Variants in UGT1A3 observed in about 807,000 individuals in gnomAD.
UGT1A3 encodes UDP-glucuronosyltransferase 1A3.
Under a neutral mutation model 41.0 loss-of-function variants are expected in UGT1A3, and 31 were observed. The ratio of observed to expected loss-of-function variants is 0.76; its 90% CI spans 0.57 to 1.02. The LOEUF is 1.02. Among genes scored for constraint, UGT1A3 ranks in the 50% least tolerant of loss-of-function variants. The pLI is 0.00. For synonymous variants in UGT1A3, 262 were observed against 257.6 expected (o/e 1.02, Z -0.17); for missense variants, 737 against 671.0 (o/e 1.10, Z -1.09).
intron 1 of UGT1A3, chr2:233,748,105 C>A: frequency 6.2e-7 from 1 of 1,612,580 alleles, no homozygotes; most frequent in Admixed American, 1.7e-5. Context: ...TTCATCCAAT[C>A]AATGTTCCAG....
intron 1 of UGT1A3, among the ~76,000 whole-genome samples, chr2:233,764,685 G>C (rs1320206547): frequency 6.6e-6 from 1 of 152,148 alleles, no homozygotes; most frequent in Non-Finnish European, 1.5e-5. Context: ...AGAACTTGAA[G>C]AGCACTTGGA....
At chr2:233,744,355 C>G (rs563473520) in intron 1 of UGT1A3, among the ~76,000 whole-genome samples, 6 of 151,952 alleles carry the variant, frequency 3.9e-5, no homozygotes, top group African/African-American at 1.2e-4. Context: ...TGAAGACATC[C>G]TGTTGTTTAG....
At chr2:233,770,346 C>T (rs1357381259) in intron 4 of UGT1A3, 2 of 152,134 alleles carry the variant, frequency 1.3e-5, no homozygotes, top group African/African-American at 4.8e-5. Flanking sequence ...TGCTCAATTA[C>T]TATTGAATGA....
At chr2:233,735,244 A>C (rs1308474685) in intron 1 of UGT1A3, among the ~76,000 whole-genome samples, 1 of 152,060 alleles carries the variant, frequency 6.6e-6, no homozygotes, top group African/African-American at 2.4e-5. Context: ...CTTGTTGTTG[A>C]ATTGCTCCCT....
intron 2 of UGT1A3, 50 bp from the exon 3 acceptor site, chr2:233,767,799 T>A (rs1699488429): frequency 6.2e-7 from 1 of 1,614,032 alleles, no homozygotes. Context: ...ATTTGTTTTC[T>A]AATCATATTA....
At chr2:233,760,770 C>T in intron 1 of UGT1A3, 2 of 1,614,054 alleles carry the variant, frequency 1.2e-6, no homozygotes, top group Non-Finnish European at 1.7e-6. Context: ...CCATCGTGGC[C>T]CAGTACCTGT....
At chr2:233,749,249 T>C (rs1694152253) in intron 1 of UGT1A3, among the ~76,000 whole-genome samples, 1 of 151,932 alleles carries the variant, frequency 6.6e-6, no homozygotes, top group Non-Finnish European at 1.5e-5. Flanking sequence ...AACCACATGA[T>C]TTTTTTATTG....
At chr2:233,761,658 A>C (rs1473319616) in intron 1 of UGT1A3, among the ~76,000 whole-genome samples, 1 of 152,256 alleles carries the variant, frequency 6.6e-6, no homozygotes, top group African/African-American at 2.4e-5. Context: ...TAATGAGTGA[A>C]TCACCAGACA....
At chr2:233,768,098 G>A in intron 3 of UGT1A3, 122 bp from the exon 4 acceptor site, 1 of 1,590,736 alleles carries the variant, frequency 6.3e-7, no homozygotes, top group Non-Finnish European at 8.6e-7. Context: ...ATTTTCTTCT[G>A]CAAATTTCTG....
intron 1 of UGT1A3, among the ~76,000 whole-genome samples, chr2:233,757,535 AATATATATATATATAT>A (rs67292694): frequency 2.3e-5 from 2 of 88,312 alleles, no homozygotes; most frequent in Non-Finnish European, 4.4e-5. Context: ...GCCTGTAAGG[AATATATATATATATAT>A]ATATATATAT....
chr2:233,762,102 G>T (rs1697968941), intron 1 of UGT1A3, among the ~76,000 whole-genome samples: 1 of 151,864 alleles, frequency 6.6e-6, no homozygotes, highest in Non-Finnish European at 1.5e-5. Flanking sequence ...GTTGTTGATT[G>T]TCCGCTTCAC....
Position 233,772,646 on chromosome 2 carries a change from A to G in UGT1A3, c.*87A>G. The G allele has an allele frequency of 6.5e-7, 1 of 1,549,870 alleles. No individual in the cohort carries two copies. ...ACAGAATCAGTGTTAAATTCATTTTATTCTTATTAAGGAAATACTTTGCAT... is the reference window on the plus strand; with the variant it reads ...ACAGAATCAGTGTTAAATTCATTTTGTTCTTATTAAGGAAATACTTTGCAT... On this transcript the variant is annotated 3_prime_UTR_variant, in exon 5 of 5. Transcript: ENST00000482026.
intron 1 of UGT1A3, among the ~76,000 whole-genome samples, chr2:233,757,340 GC>G (rs1259479827): frequency 3.3e-5 from 5 of 151,162 alleles, no homozygotes; most frequent in Non-Finnish European, 7.4e-5. Flanking sequence ...GACCATGACA[GC>G]TGGGTCTGAG....
In UGT1A3 at chr2:233,761,530, G is replaced by A. The variant is rs544153828; in HGVS notation, c.868-5504G>A. Among the ~76,000 whole-genome samples, 10 of 152,346 alleles carry A rather than the reference G, an allele frequency of 6.6e-5. No homozygotes were observed. In the East Asian group the frequency reaches 9.7e-4, roughly 15 times the overall value. ...CAGGCAGGCAATGTTCAGGACTGAT[G>A]AAATCATTCTTTGATGATGATAGAT... On this transcript the variant is annotated intron_variant, in intron 1 of 4. Coordinates refer to ENST00000482026, the MANE Select transcript of UGT1A3 (RefSeq NM_019093.4).
chr2:233,772,294 T>C lies in UGT1A3; in HGVS notation c.1340T>C (p.Leu447Pro). 6.2e-7 allele frequency: 1 copy of C among 1,614,228 alleles called. No individual in the cohort carries two copies. Among genetic ancestry groups the C allele is most frequent in the Non-Finnish European group, 8.5e-7 (1 of 1,180,042 alleles). Reference protein sequence around the residue: ...YKENIMRLSSLHKDRPVEPLD... With the variant: ...YKENIMRLSSPHKDRPVEPLD... Reference sequence around the variant, plus strand: ...GAGAACATCATGCGCCTCTCCAGCCTTCACAAGGACCGCCCGGTGGAGCCG... The same window carrying C: ...GAGAACATCATGCGCCTCTCCAGCCCTCACAAGGACCGCCCGGTGGAGCCG... The change falls in exon 5 of 5, where the codon CTT becomes CCT. Residue 447 changes from leucine to proline, a missense_variant. Coordinates refer to ENST00000482026, the MANE Select transcript of UGT1A3 (RefSeq NM_019093.4).
chr2:233,743,306 T>C (rs1214734501), intron 1 of UGT1A3: 2 of 592,290 alleles, frequency 3.4e-6, no homozygotes, highest in Non-Finnish European at 5.6e-6. Flanking sequence ...ATTCTCTTGG[T>C]GGTGATTTTT....
intron 1 of UGT1A3, among the ~76,000 whole-genome samples, chr2:233,761,822 T>C (rs1451181524): frequency 6.6e-6 from 1 of 152,180 alleles, no homozygotes; most frequent in Non-Finnish European, 1.5e-5. Context: ...AGAGGCTCCT[T>C]CAGATGGAGC....
In UGT1A3 at chr2:233,772,670, A is replaced by T; in HGVS notation, c.*111A>T. 1 of 1,536,688 alleles carries T rather than the reference A, an allele frequency of 6.5e-7. No homozygotes were observed. Among genetic ancestry groups the T allele is most frequent in the Admixed American group, 2.0e-5 (1 of 50,138 alleles). ...TATTCTTATTAAGGAAATACTTTGC[A>T]TAAATTAATCAGCCCCAGAGTGCTT... On this transcript the variant is annotated 3_prime_UTR_variant, in exon 5 of 5. Transcript: ENST00000482026.
chr2:233,731,329 A>C (rs1284025044), intron 1 of UGT1A3, among the ~76,000 whole-genome samples: 2 of 150,010 alleles, frequency 1.3e-5, no homozygotes, highest in Admixed American at 6.7e-5. Context: ...GTACATGTGC[A>C]CAAATTGCAG....
Sources: gnomAD v4.1 joint callset for allele counts (sites outside exome capture counted in the v4.1 genomes callset) on GRCh38, gnomAD v4.1.1 for gene constraint, MANE v1.5 for transcripts, NCBI Gene and HGNC (gene_info 2026-07-23, HGNC 2026-07-21) for gene names.